The following MCC variants were observed in gnomAD, a reference collection of about 807,000 sequenced individuals.
The protein encoded by MCC is MCC regulator of Wnt signaling pathway.
In MCC, 90 loss-of-function variants were observed where a neutral mutation model predicts 116.2. The observed-to-expected ratio is 0.77, with a 90% CI of 0.65 to 0.92. MCC has a LOEUF of 0.92. Among genes scored for constraint, MCC ranks in the 40% least tolerant of loss-of-function variants. The probability of loss-of-function intolerance (pLI) is 0.00; values close to 1 mark genes in which losing one functional copy is unlikely to be tolerated. For missense variants in MCC, 1,516 were observed against 1,312.2 expected, an observed-to-expected ratio of 1.16 and a Z score of -2.40; for synonymous variants, 578 against 510.5, an observed-to-expected ratio of 1.13 and a Z score of -1.78.
chr5:113,107,816 C>T (rs144239533), intron 6 of MCC, among the ~76,000 whole-genome samples: 1 of 152,134 alleles, frequency 6.6e-6, no homozygotes, highest in African/African-American at 2.4e-5. Flanking sequence ...ACAGCAGAGC[C>T]GGAGTGGTGG....
chr5:113,291,732 C>T (rs1158660020), intron 3 of MCC, among the ~76,000 whole-genome samples: 4 of 152,064 alleles, frequency 2.6e-5, no homozygotes, highest in African/African-American at 9.7e-5. Context: ...GGCAACTTTG[C>T]CCTACAAGAT....
intron 15 of MCC, among the ~76,000 whole-genome samples, chr5:113,052,094 T>C (rs1752523138): frequency 1.3e-5 from 2 of 150,928 alleles, no homozygotes; most frequent in Admixed American, 1.3e-4. Context: ...TCAGTACACA[T>C]TTTATTTTCA....
chr5:113,250,850 G>A (rs145933770), intron 3 of MCC, among the ~76,000 whole-genome samples: 2 of 152,180 alleles, frequency 1.3e-5, no homozygotes, highest in African/African-American at 4.8e-5. Context: ...GTCCAAGGTC[G>A]ACCTACACAA....
In MCC at chr5:113,309,441, T is replaced by A. The variant is rs1056844302; in HGVS notation, c.627+31078A>T. On this transcript the variant is annotated intron_variant, in intron 3 of 18. Coordinates refer to ENST00000408903, the MANE Select transcript of MCC (RefSeq NM_001085377.2). ...GGCATCCCCACAGCTTATCTCCCAT[T>A]TATAAGTGAGAATATGTGGTATTTG... 4.6e-5 allele frequency among the ~76,000 whole-genome samples: 7 copies of A among 152,194 alleles called. No individual in the cohort carries two copies. The South Asian group carries it at 6.2e-4, about 14-fold the overall frequency.
At chr5:113,180,584 T>C (rs1342971150) in intron 3 of MCC, among the ~76,000 whole-genome samples, 2 of 152,174 alleles carry the variant, frequency 1.3e-5, no homozygotes, top group African/African-American at 4.8e-5. Flanking sequence ...GGCCCAAGAT[T>C]GACCACTTAA....
chr5:113,044,036 G>C (rs1751910526), intron 16 of MCC, among the ~76,000 whole-genome samples: 1 of 152,222 alleles, frequency 6.6e-6, no homozygotes, highest in Admixed American at 6.5e-5. Context: ...GCTAGGAAAT[G>C]GGGGAACCAG....
chr5:113,255,425 T>G (rs1764969254), intron 3 of MCC, among the ~76,000 whole-genome samples: 1 of 152,180 alleles, frequency 6.6e-6, no homozygotes, highest in East Asian at 1.9e-4. Context: ...GCCTTTGGGA[T>G]CAGAAAACTA....
intron 2 of MCC, among the ~76,000 whole-genome samples, chr5:113,364,259 A>T (rs1181444098): frequency 8.5e-6 from 1 of 117,690 alleles, no homozygotes; most frequent in African/African-American, 3.8e-5. Flanking sequence ...AAAAAAAAAA[A>T]ACCAGAAAAA....
At chr5:113,059,116 A>G (rs955477700) in intron 14 of MCC, among the ~76,000 whole-genome samples, 2 of 148,916 alleles carry the variant, frequency 1.3e-5, no homozygotes, top group Non-Finnish European at 3.0e-5. Context: ...CCACCTTGCT[A>G]TGAGTATAGT....
intron 14 of MCC, among the ~76,000 whole-genome samples, chr5:113,055,643 G>A (rs533078973): frequency 1.3e-5 from 2 of 152,346 alleles, no homozygotes; most frequent in Admixed American, 6.5e-5. Flanking sequence ...GTCCCTTGGA[G>A]ATAAGGTAAG....
chr5:113,413,337 G>A (rs986890251), intron 1 of MCC, among the ~76,000 whole-genome samples: 2 of 152,200 alleles, frequency 1.3e-5, no homozygotes, highest in Admixed American at 1.3e-4. Flanking sequence ...AATAGTTTCA[G>A]AAGGAATGGT....
rs576153450 is a variant in MCC, at chr5:113,434,362, G to A, written c.171-49150C>T. 6.2e-6 allele frequency: 10 copies of A among 1,613,864 alleles called. No homozygotes were observed. Among genetic ancestry groups the A allele is most frequent in the South Asian group, 1.1e-5 (1 of 91,038 alleles). Reference sequence around the variant, plus strand: ...CGACCACTGTCATCCCGCAGGCAGCGCTTGGAGAAGCTGAAGTCGGACAGC... The same window carrying A: ...CGACCACTGTCATCCCGCAGGCAGCACTTGGAGAAGCTGAAGTCGGACAGC... On this transcript the variant is annotated intron_variant, in intron 1 of 18. Transcript: ENST00000408903. This position sits in a 1 kb window ranked among gnomAD's most constrained non-coding sequence, Gnocchi z 4.2.
At position 113,337,220 on chromosome 5, in the gene MCC, G is replaced by T. The variant is rs572112831; in HGVS notation, c.627+3299C>A. Among the ~76,000 whole-genome samples the T allele has an allele frequency of 3.3e-5, 5 of 152,230 alleles. No individual in the cohort carries two copies. In the East Asian group the frequency reaches 9.6e-4, roughly 29 times the overall value. On this transcript the variant is annotated intron_variant, in intron 3 of 18. Coordinates refer to ENST00000408903, the MANE Select transcript of MCC (RefSeq NM_001085377.2). The stretch of plus-strand genomic sequence containing the variant: ...TTAAGTTTTAGTGGCAGTATTTGGG[G>T]GACTTTTCAGTGGGTTTGCCACCAC...
chr5:113,101,957 AG>A lies in MCC; in HGVS notation c.1192-13del, dbSNP rs1385221365. The A allele has an allele frequency of 6.2e-7, 1 of 1,613,754 alleles. No homozygotes were observed. Among genetic ancestry groups the A allele is most frequent in the Non-Finnish European group, 8.5e-7 (1 of 1,179,894 alleles). On this transcript the variant is annotated splice_polypyrimidine_tract_variant and intron_variant, in intron 7 of 18. Transcript: ENST00000408903. ...ATCTCCTCGACTGTCTGTAAAACAC[AG>A]CCCCAAAGAAAAGTCAAGTAAGTTA... is the stretch of plus-strand genomic sequence containing the variant.
intron 3 of MCC, among the ~76,000 whole-genome samples, chr5:113,308,595 G>A (rs902393293): frequency 1.3e-5 from 2 of 152,162 alleles, no homozygotes; most frequent in Non-Finnish European, 2.9e-5. Context: ...GGCTAAGGCA[G>A]GAGGATTGCT....
chr5:113,466,645 C>T (rs952040117), intron 1 of MCC, among the ~76,000 whole-genome samples: 6 of 152,050 alleles, frequency 3.9e-5, no homozygotes, highest in African/African-American at 1.5e-4. Context: ...TATAAACATA[C>T]GTGTGCATGT....
intron 3 of MCC, among the ~76,000 whole-genome samples, chr5:113,177,165 T>C (rs556100144): frequency 2.6e-5 from 4 of 152,234 alleles, no homozygotes; most frequent in African/African-American, 9.6e-5. Context: ...CTCTCCTATG[T>C]AGCCTCCTAG....
At chr5:113,136,943 G>C (rs968974420) in intron 5 of MCC, among the ~76,000 whole-genome samples, 3 of 152,140 alleles carry the variant, frequency 2.0e-5, no homozygotes, top group Non-Finnish European at 2.9e-5. Context: ...CCAGTCTTTA[G>C]AGGAAAGGCC....
At chr5:113,059,673 A>C (rs1753082444) in intron 14 of MCC, among the ~76,000 whole-genome samples, 1 of 152,214 alleles carries the variant, frequency 6.6e-6, no homozygotes, top group Admixed American at 6.5e-5. Context: ...TTGAGGAGCT[A>C]GTCTAGGATG....
Sources: allele counts gnomAD v4.1 joint callset (sites outside exome capture counted in the v4.1 genomes callset), GRCh38; gene constraint gnomAD v4.1.1; non-coding constraint Gnocchi (gnomAD v3.1); transcripts MANE v1.5; gene names NCBI Gene and HGNC (gene_info 2026-07-23, HGNC 2026-07-21).